The following LETM2 variants were observed in gnomAD, a reference collection of about 807,000 sequenced individuals.
LETM2 encodes LETM1 domain-containing protein LETM2, mitochondrial.
A neutral mutation model predicts 59.6 loss-of-function variants in LETM2; 58 were observed. The ratio of observed to expected loss-of-function variants is 0.97; its 90% CI spans 0.79 to 1.21. The LOEUF (loss-of-function observed/expected upper bound fraction) is 1.21, where lower values mean the gene tolerates loss of function less well. Ranked by LOEUF, LETM2 falls within the 50% of genes most tolerant of loss-of-function variation. The pLI is 0.00. For synonymous variants in LETM2, 199 were observed against 214.1 expected (o/e 0.93, Z 0.62); for missense variants, 572 against 575.7 (o/e 0.99, Z 0.07).
rs1286848148 is a variant in LETM2 at position 38,386,486 on chromosome 8, G to C, written c.-117G>C. ...GAAAGAGGCGGAACCGTAGAGACTT[G>C]GCTTCGGGCCCTTCTAGCTTGGGGG... On this transcript the variant is annotated 5_prime_UTR_variant, in exon 1 of 11. Transcript: ENST00000379957. 6.6e-6 allele frequency: 1 copy of C among 152,278 alleles called. No homozygotes were observed. The highest frequency in any genetic ancestry group is 2.4e-5 in the African/African-American group (1 of 41,430). 9.4% of individuals were successfully genotyped at this position (152,278 alleles called of 1,614,324 possible).
intron 10 of LETM2, chr8:38,407,924 G>C (rs1222165687): frequency 2.4e-6 from 1 of 415,214 alleles, no homozygotes; most frequent in Non-Finnish European, 4.4e-6. Context: ...ACAGTGGGGA[G>C]GTTGTGGGAG....
chr8:38,395,328 A>C (rs527790060), intron 4 of LETM2, among the ~76,000 whole-genome samples: 91 of 152,294 alleles, frequency 6.0e-4, no homozygotes, highest in Non-Finnish European at 9.1e-4. Context: ...GTATTGTTCT[A>C]TATTCTCACC....
upstream of LETM2, chr8:38,382,488 G>C (rs1462523483): frequency 6.6e-6 from 1 of 152,360 alleles, no homozygotes; most frequent in Admixed American, 6.5e-5. The surrounding 1 kb of genome is among the most constrained non-coding windows in gnomAD (Gnocchi z 4.2). Flanking sequence ...AGAGGGCCGA[G>C]GAACGAGGGA....
chr8:38,387,910 T>G, intron 1 of LETM2, 40 bp from the exon 2 acceptor site: 1 of 815,754 alleles, frequency 1.2e-6, no homozygotes, highest in Non-Finnish European at 2.0e-6. Context: ...ATTGATGTAT[T>G]TTTAAACTAC....
rs529555864 is a variant in LETM2 at position 38,400,887 on chromosome 8, T to C, written c.818T>C (p.Ile273Thr). 32 of 1,614,206 alleles carry C rather than the reference T, an allele frequency of 2.0e-5. No individual in the cohort carries two copies. In the African/African-American group the frequency reaches 2.8e-4, roughly 14 times the overall value. The change falls in exon 6 of 11, where the codon ATA becomes ACA. Residue 273 changes from isoleucine to threonine, a missense_variant. Coordinates refer to ENST00000379957, the MANE Select transcript of LETM2 (RefSeq NM_001286819.2). ...GGCCACAAGCCCAGCACAAAGGAGA[T>C]AGTTCGCTTCTCCAAACTATTTGAG... ...QTGHKPSTKE[I>T]VRFSKLFEDQ...
At chr8:38,383,853 C>T (rs1811669898), upstream of LETM2, among the ~76,000 whole-genome samples, 1 of 151,482 alleles carries the variant, frequency 6.6e-6, no homozygotes, top group African/African-American at 2.4e-5. Flanking sequence ...TGGCGTGAAC[C>T]CGGGAAGCGG....
chr8:38,382,640 C>A (rs1346150756), upstream of LETM2: 2 of 152,350 alleles, frequency 1.3e-5, no homozygotes, highest in African/African-American at 4.8e-5. This position sits in a 1 kb window ranked among gnomAD's most constrained non-coding sequence, Gnocchi z 4.2. Context: ...CAACCAGCGC[C>A]ATACGGCGCT....
chr8:38,387,512 T>G (rs985943466), intron 1 of LETM2, among the ~76,000 whole-genome samples: 1 of 152,164 alleles, frequency 6.6e-6, no homozygotes, highest in Non-Finnish European at 1.5e-5. Context: ...AGTGGGTACG[T>G]CCAATATTCA....
At chr8:38,406,164 T>C (rs1371236384) in intron 8 of LETM2, among the ~76,000 whole-genome samples, 1 of 152,218 alleles carries the variant, frequency 6.6e-6, no homozygotes, top group African/African-American at 2.4e-5. Flanking sequence ...CTTATCGTTA[T>C]CTATTTTAAT....
intron 2 of LETM2, among the ~76,000 whole-genome samples, chr8:38,391,212 C>CAAAAAA (rs1381418029): frequency 8.3e-6 from 1 of 120,098 alleles, no homozygotes. Context: ...AAAAAAAAAC[C>CAAAAAA]AAAAAACTGA....
chr8:38,397,792 TG>T (rs1193205370), intron 4 of LETM2, among the ~76,000 whole-genome samples: 8 of 152,114 alleles, frequency 5.3e-5, no homozygotes, highest in Non-Finnish European at 1.2e-4. Context: ...CCAGCTGGAA[TG>T]CTAGCCCAAG....
At chr8:38,383,407 G>A (rs1393633049), upstream of LETM2, 2 of 152,214 alleles carry the variant, frequency 1.3e-5, no homozygotes, top group Non-Finnish European at 2.9e-5. Context: ...GCAAGCAAAT[G>A]AGGAAACCGA....
chr8:38,401,412 C>T (rs572071513), intron 6 of LETM2: 1 of 256,984 alleles, frequency 3.9e-6, no homozygotes, highest in East Asian at 1.0e-4. Flanking sequence ...GTTGGGATGA[C>T]AGGTGTGACC....
At chr8:38,402,124 G>T (rs112379121) in intron 6 of LETM2, among the ~76,000 whole-genome samples, 1 of 152,132 alleles carries the variant, frequency 6.6e-6, no homozygotes, top group African/African-American at 2.4e-5. Context: ...GGGGGTGTTG[G>T]GGGGACAGCA....
At position 38,392,616 on chromosome 8, in the gene LETM2, C is replaced by T; in HGVS notation, c.122C>T (p.Ser41Phe). 6.2e-7 allele frequency: 1 copy of T among 1,613,796 alleles called. No homozygotes were observed. The highest frequency in any genetic ancestry group is 1.1e-5 in the South Asian group (1 of 91,074). ...PSCAFLHLPD[S>F]HLNKTCMKNY... is the part of the protein sequence containing the mutation. Reference sequence around the variant, plus strand: ...TGTGCATTTCTTCACTTGCCAGATTCCCATTTAAATAAGACATGTATGAAG... The same window carrying T: ...TGTGCATTTCTTCACTTGCCAGATTTCCATTTAAATAAGACATGTATGAAG... Residue 41 changes from serine (S) to phenylalanine (F), a missense_variant, in exon 3 of 11, where the codon TCC (serine) becomes TTC (phenylalanine). Ser to Phe is a radical substitution (Grantham distance 155). Transcript: ENST00000379957.
At position 38,391,212 on chromosome 8, in the gene LETM2, C is replaced by A. The variant is rs865822514; in HGVS notation, c.48-1330C>A. On this transcript the variant is annotated intron_variant, in intron 2 of 10. Coordinates refer to ENST00000379957, the MANE Select transcript of LETM2 (RefSeq NM_001286819.2). ...AAAAAAAAAAAACAAAAAAAAAAAC[C>A]AAAAAACTGAAAGAATGGAAAAAGA... Among the ~76,000 whole-genome samples the A allele has an allele frequency of 3.9e-3, 466 of 120,048 alleles. 2 individuals are homozygous for A. The highest frequency in any genetic ancestry group is 0.01 in the East Asian group (39 of 3,788). 78.8% of individuals were successfully genotyped at this position (120,048 alleles called of 152,430 possible).
chr8:38,407,083 A>G, intron 9 of LETM2, 45 bp downstream of exon 9: 1 of 1,178,732 alleles, frequency 8.5e-7, no homozygotes, highest in East Asian at 2.3e-5. Context: ...TAAAAAATGA[A>G]AATAGCAATG....
upstream of LETM2, among the ~76,000 whole-genome samples, chr8:38,385,787 C>T (rs1200321984): frequency 6.6e-6 from 1 of 152,214 alleles, no homozygotes; most frequent in African/African-American, 2.4e-5. Context: ...CTAGATGTTT[C>T]ATTTTCCCAA....
intron 6 of LETM2, 54 bp from the exon 7 acceptor site, chr8:38,402,471 T>C: frequency 6.3e-7 from 1 of 1,595,232 alleles, no homozygotes; most frequent in Non-Finnish European, 8.6e-7. Flanking sequence ...GAATTTAGGG[T>C]TTACGTAAAA....
Sources: gnomAD v4.1 joint callset for allele counts (sites outside exome capture counted in the v4.1 genomes callset) on GRCh38, gnomAD v4.1.1 for gene constraint, Gnocchi (gnomAD v3.1) non-coding constraint, MANE v1.5 for transcripts, NCBI Gene and HGNC (gene_info 2026-07-23, HGNC 2026-07-21) for gene names.